Variants in EPM2A observed in about 807,000 individuals in gnomAD.
EPM2A encodes the protein laforin.
EPM2A carries 21 observed loss-of-function variants against 26.5 expected under a neutral mutation model. That is an observed-to-expected ratio of 0.79 (90% CI 0.56 to 1.14). EPM2A has a LOEUF of 1.14. EPM2A is among the 50% of genes most tolerant of loss of function. EPM2A has a pLI of 0.00. For missense variants in EPM2A, 458 were observed against 440.8 expected (o/e 1.04, Z -0.35); for synonymous variants, 217 against 177.6 (o/e 1.22, Z -1.76).
chr6:145,569,999 G>A (rs1780934230), intron 2 of EPM2A, among the ~76,000 whole-genome samples: 1 of 152,158 alleles, frequency 6.6e-6, no homozygotes, highest in African/African-American at 2.4e-5. Context: ...TCGAGGGCAG[G>A]AAGCATCCAA....
chr6:145,476,499 A>T (rs1415726709), intron 4 of EPM2A, among the ~76,000 whole-genome samples: 1 of 152,078 alleles, frequency 6.6e-6, no homozygotes, highest in Non-Finnish European at 1.5e-5. Context: ...AAGAATACAC[A>T]TTCTTTTTCT....
intron 2 of EPM2A, among the ~76,000 whole-genome samples, chr6:145,672,406 G>A (rs1285203150): frequency 6.6e-6 from 1 of 152,132 alleles, no homozygotes; most frequent in Non-Finnish European, 1.5e-5. Context: ...AAATTTAACA[G>A]AGCTACAACA....
rs1776819610 is a variant in EPM2A, at chr6:145,735,449, C to T, written c.50G>A (p.Arg17Gln). The T allele has an allele frequency of 8.0e-7, 1 of 1,242,584 alleles. No homozygotes were observed. Among genetic ancestry groups the T allele is most frequent in the Non-Finnish European group, 1.0e-6 (1 of 988,252 alleles). 77.0% of individuals were successfully genotyped at this position (1,242,584 alleles called of 1,614,324 possible). A position where few individuals can be genotyped will look rare whatever the true frequency, so the allele number is the denominator to read the frequency against. ...CGACCCCACCACCAGCAGCTCCGGC[C>T]GGGCGCCGGCCACGGCGGGTGGCAC... ...VVVPPAVAGA[R>Q]PELLVVGSRP... The change falls in exon 1 of 4, where the codon CGG becomes CAG. Residue 17 changes from arginine to glutamine, a missense_variant. Transcript: ENST00000367519.
intron 2 of EPM2A, among the ~76,000 whole-genome samples, chr6:145,581,765 T>C (rs559168471): frequency 1.2e-4 from 19 of 152,334 alleles, no homozygotes; most frequent in African/African-American, 3.1e-4. Flanking sequence ...TCATTACTTG[T>C]TTTTGTAAAC....
chr6:145,395,771 G>A (rs1024088399), intron 4 of EPM2A, among the ~76,000 whole-genome samples: 3 of 152,078 alleles, frequency 2.0e-5, no homozygotes, highest in African/African-American at 7.2e-5. Context: ...ACAGACTAAA[G>A]GAAACTCCCT....
chr6:145,462,323 G>C (rs1008675335), intron 4 of EPM2A, among the ~76,000 whole-genome samples: 3 of 152,044 alleles, frequency 2.0e-5, no homozygotes, highest in African/African-American at 7.2e-5. Flanking sequence ...AGTGGGGTGG[G>C]TAGGATCAAC....
chr6:145,645,427 C>A (rs1777389033), intron 2 of EPM2A, among the ~76,000 whole-genome samples: 1 of 152,116 alleles, frequency 6.6e-6, no homozygotes, highest in Non-Finnish European at 1.5e-5. Context: ...CCACCTCATC[C>A]TCCTGAGTAG....
chr6:145,538,244 C>T (rs1780460225), intron 2 of EPM2A, among the ~76,000 whole-genome samples: 1 of 151,928 alleles, frequency 6.6e-6, no homozygotes, highest in Non-Finnish European at 1.5e-5. Context: ...ATTACTATTT[C>T]TCCACAGAAG....
chr6:145,551,074 A>G (rs964635219), intron 2 of EPM2A, among the ~76,000 whole-genome samples: 86 of 152,220 alleles, frequency 5.6e-4, no homozygotes, highest in African/African-American at 2.0e-3. Flanking sequence ...CCTTCAAGTC[A>G]AATGTCTCCC....
chr6:145,667,626 A>G (rs1334763120), intron 2 of EPM2A, among the ~76,000 whole-genome samples: 1 of 150,922 alleles, frequency 6.6e-6, no homozygotes, highest in African/African-American at 2.5e-5. Flanking sequence ...GGGATCTAGA[A>G]CTAGAAATAC....
chr6:145,550,641 G>A (rs1301724684), intron 2 of EPM2A, among the ~76,000 whole-genome samples: 2 of 152,016 alleles, frequency 1.3e-5, no homozygotes, highest in East Asian at 3.9e-4. Context: ...ATTTTCTTCT[G>A]CTATGCTGCT....
intron 2 of EPM2A, among the ~76,000 whole-genome samples, chr6:145,507,783 C>T (rs969128324): frequency 6.6e-6 from 1 of 152,182 alleles, no homozygotes; most frequent in South Asian, 2.1e-4. Context: ...ATTAGGCTCT[C>T]TCTCACCACA....
chr6:145,618,135 C>T (rs1339428498), intron 2 of EPM2A, among the ~76,000 whole-genome samples: 2 of 152,020 alleles, frequency 1.3e-5, no homozygotes, highest in African/African-American at 4.8e-5. Flanking sequence ...TATGAAAATG[C>T]CTGGAAGAAG....
intron 1 of EPM2A, among the ~76,000 whole-genome samples, chr6:145,725,344 T>A (rs768583189): frequency 6.6e-6 from 1 of 152,044 alleles, no homozygotes; most frequent in Non-Finnish European, 1.5e-5. Flanking sequence ...CCAGTGGAAA[T>A]GAAAAATACT....
intron 4 of EPM2A, among the ~76,000 whole-genome samples, chr6:145,432,436 C>T (rs943125539): frequency 2.0e-5 from 3 of 151,642 alleles, no homozygotes; most frequent in Admixed American, 1.3e-4. Context: ...CATTAATTTC[C>T]TTTTACATTT....
At chr6:145,544,302 C>A (rs952446769) in intron 2 of EPM2A, among the ~76,000 whole-genome samples, 1 of 152,260 alleles carries the variant, frequency 6.6e-6, no homozygotes, top group East Asian at 1.9e-4. Context: ...CAGACTCCAC[C>A]TGGGTTTGTG....
intron 4 of EPM2A, among the ~76,000 whole-genome samples, chr6:145,435,419 A>G (rs1778977081): frequency 6.7e-6 from 1 of 149,230 alleles, no homozygotes; most frequent in Non-Finnish European, 1.5e-5. Flanking sequence ...TTATATATAT[A>G]TATATATATA....
At chr6:145,614,286 G>C (rs895535264) in intron 2 of EPM2A, among the ~76,000 whole-genome samples, 26 of 152,202 alleles carry the variant, frequency 1.7e-4, no homozygotes, top group African/African-American at 6.3e-4. Context: ...CTCTGGATTA[G>C]GCTTTGACTT....
At position 145,664,613 on chromosome 6, in the gene EPM2A, A is replaced by G. The variant is rs551110940; in HGVS notation, c.476+21509T>C. ...ATATTAGACAGATCAACGAGACAGA[A>G]AGTCAACAAGGATACCCAGGAATTG... is the stretch of plus-strand genomic sequence containing the variant. On this transcript the variant is annotated intron_variant, in intron 2 of 3. Transcript: ENST00000367519. Among the ~76,000 whole-genome samples the G allele has an allele frequency of 1.5e-3, 230 of 151,816 alleles. 2 individuals are homozygous for G. The Middle Eastern group carries it at 0.031, about 20-fold the overall frequency.
Sources: allele counts gnomAD v4.1 joint callset (sites outside exome capture counted in the v4.1 genomes callset), GRCh38; gene constraint gnomAD v4.1.1; transcripts MANE v1.5; gene names NCBI Gene and HGNC (gene_info 2026-07-23, HGNC 2026-07-21).